Variants in PCDHGB3 observed in about 807,000 individuals in gnomAD.
The protein encoded by PCDHGB3 is protocadherin gamma-B3.
A neutral mutation model predicts 59.2 loss-of-function variants in PCDHGB3; 40 were observed. The ratio of observed to expected loss-of-function variants is 0.68; its 90% confidence interval spans 0.52 to 0.88. PCDHGB3 has a LOEUF of 0.88. Ranked by LOEUF, PCDHGB3 falls within the 40% of genes least tolerant of loss-of-function variation. The pLI, the probability that PCDHGB3 is intolerant of heterozygous loss-of-function variation, is 0.00. For missense variants in PCDHGB3, 1,309 were observed against 1,187.9 expected, an observed-to-expected ratio of 1.10 and a Z score of -1.50; for synonymous variants, 581 against 503.6, an observed-to-expected ratio of 1.15 and a Z score of -2.06.
intron 1 of PCDHGB3, chr5:141,430,537 A>T (rs1270804825): frequency 7.8e-6 from 3 of 385,890 alleles, no homozygotes; most frequent in African/African-American, 2.1e-5. Flanking sequence ...TAGGACTCTG[A>T]GCGCCGCTGT....
Position 141,487,399 on chromosome 5 carries a change from G to T in PCDHGB3, c.2416-7408G>T, listed in dbSNP as rs749826036. 6.2e-7 allele frequency: 1 copy of T among 1,614,140 alleles called. No individual in the cohort carries two copies. The highest frequency in any genetic ancestry group is 8.5e-7 in the Non-Finnish European group (1 of 1,180,014). ...TCACCAGATCTCGAAGGAGGGAGGG[G>T]CTTCCCCCTTCCAATGGGATCCTCC... On this transcript the variant is annotated intron_variant, in intron 1 of 3. Transcript: ENST00000576222. The surrounding 1 kb of genome is among the most constrained non-coding windows in gnomAD (Gnocchi z 5.0).
intron 1 of PCDHGB3, chr5:141,430,540 G>T: frequency 2.6e-6 from 1 of 386,954 alleles, no homozygotes; most frequent in Admixed American, 4.2e-5. Flanking sequence ...GACTCTGAGC[G>T]CCGCTGTTCA....
chr5:141,391,030 G>A (rs2092291091), intron 1 of PCDHGB3: 1 of 152,184 alleles, frequency 6.6e-6, no homozygotes, highest in Non-Finnish European at 1.5e-5. Flanking sequence ...AAAAGACAAT[G>A]TTTTGTGTCT....
At chr5:141,459,845 T>C (rs914128032) in intron 1 of PCDHGB3, among the ~76,000 whole-genome samples, 1 of 152,232 alleles carries the variant, frequency 6.6e-6, no homozygotes, top group Admixed American at 6.5e-5. Flanking sequence ...TCTATTTGTA[T>C]ATCTTCTTGA....
At position 141,505,479 on chromosome 5, in the gene PCDHGB3, G is replaced by A; in HGVS notation, c.2561G>A (p.Ser854Asn). 1 of 1,614,228 alleles carries A rather than the reference G, an allele frequency of 6.2e-7. No homozygotes were observed. The highest frequency in any genetic ancestry group is 8.5e-7 in the Non-Finnish European group (1 of 1,180,018). Residue 854 changes from serine to asparagine, a missense_variant and splice_region_variant, in exon 3 of 4, where the codon AGT (serine) becomes AAT (asparagine). Ser to Asn is a conservative substitution (Grantham distance 46, BLOSUM62 1). Coordinates refer to ENST00000576222, the MANE Select transcript of PCDHGB3 (RefSeq NM_018924.5). Reference sequence around the variant, plus strand: ...CAAGCCATGATCTTGGCGTCCGCCAGTGGTAAGTGGTGTCAGTGTGTGTAT... The same window carrying A: ...CAAGCCATGATCTTGGCGTCCGCCAATGGTAAGTGGTGTCAGTGTGTGTAT... Reference protein sequence around the residue: ...MLQAMILASASEAADGSSTLG... With the variant: ...MLQAMILASANEAADGSSTLG...
intron 1 of PCDHGB3, chr5:141,399,842 A>T (rs749737928): frequency 6.2e-7 from 1 of 1,612,970 alleles, no homozygotes; most frequent in South Asian, 1.1e-5. Context: ...GCGCTCTTCG[A>T]TATGGTGCCG....
At chr5:141,414,334 A>C in intron 1 of PCDHGB3, 1 of 1,613,782 alleles carries the variant, frequency 6.2e-7, no homozygotes, top group Non-Finnish European at 8.5e-7. Flanking sequence ...TGGACAGGTA[A>C]CCTGTTCCAT....
chr5:141,490,111 A>G lies in PCDHGB3; in HGVS notation c.2416-4696A>G. 6.2e-7 allele frequency: 1 copy of G among 1,614,244 alleles called. No individual in the cohort carries two copies. The highest frequency in any genetic ancestry group is 8.5e-7 in the Non-Finnish European group (1 of 1,180,042). On this transcript the variant is annotated intron_variant, in intron 1 of 3. Coordinates refer to ENST00000576222, the MANE Select transcript of PCDHGB3 (RefSeq NM_018924.5). The surrounding 1 kb of genome is among the most constrained non-coding windows in gnomAD (Gnocchi z 5.4). ...AGACCACACATCTGAGGCAGTGCGGAACCTCTTTGGCCTAGACCCTAGCAG... is the reference window on the plus strand; with the variant it reads ...AGACCACACATCTGAGGCAGTGCGGGACCTCTTTGGCCTAGACCCTAGCAG...
chr5:141,388,876 T>C lies in PCDHGB3; in HGVS notation c.2415+16067T>C, dbSNP rs941783342. 6.2e-6 allele frequency: 10 copies of C among 1,613,840 alleles called. No homozygotes were observed. In the African/African-American group the frequency reaches 1.1e-4, roughly 17 times the overall value. On this transcript the variant is annotated intron_variant, in intron 1 of 3. Coordinates refer to ENST00000576222, the MANE Select transcript of PCDHGB3 (RefSeq NM_018924.5). ...GGAGGAATGATTGCGCAATGCACAGTGGAGGTAGAAGTCATAGATGAAAAT... is the reference window on the plus strand; with the variant it reads ...GGAGGAATGATTGCGCAATGCACAGCGGAGGTAGAAGTCATAGATGAAAAT...
At position 141,491,318 on chromosome 5, in the gene PCDHGB3, A is replaced by C; in HGVS notation, c.2416-3489A>C. The C allele has an allele frequency of 6.2e-7, 1 of 1,613,862 alleles. No individual in the cohort carries two copies. The highest frequency in any genetic ancestry group is 8.5e-7 in the Non-Finnish European group (1 of 1,179,916). On this transcript the variant is annotated intron_variant, in intron 1 of 3. Transcript: ENST00000576222. The surrounding 1 kb of genome is among the most constrained non-coding windows in gnomAD (Gnocchi z 6.9). ...CCTGAGCGTTCAGACCTTACCCTTT[A>C]CCTCATTGTGGCTCTAGCGACCGTC...
intron 1 of PCDHGB3, chr5:141,415,794 A>C: frequency 7.3e-7 from 1 of 1,366,410 alleles, no homozygotes; most frequent in Non-Finnish European, 9.3e-7. Context: ...AAATTCACCT[A>C]GTCTCAATCA....
chr5:141,457,023 A>G (rs1339517071), intron 1 of PCDHGB3, among the ~76,000 whole-genome samples: 1 of 152,228 alleles, frequency 6.6e-6, no homozygotes, highest in Non-Finnish European at 1.5e-5. Flanking sequence ...AAAAAGTCCT[A>G]GTAGACTCAG....
intron 1 of PCDHGB3, chr5:141,393,184 T>C: frequency 6.2e-7 from 1 of 1,613,344 alleles, no homozygotes; most frequent in Non-Finnish European, 8.5e-7. Context: ...ATAGAAATAA[T>C]TGATATTAAC....
At chr5:141,450,006 C>CTTTTTT (rs1554136305) in intron 1 of PCDHGB3, among the ~76,000 whole-genome samples, 15 of 132,950 alleles carry the variant, frequency 1.1e-4, no homozygotes, top group African/African-American at 2.0e-4. Context: ...TGCCATGTCT[C>CTTTTTT]TTTTTTTTTT....
Position 141,431,435 on chromosome 5 carries a change from G to T in PCDHGB3, c.2415+58626G>T. On this transcript the variant is annotated intron_variant, in intron 1 of 3. Coordinates refer to ENST00000576222, the MANE Select transcript of PCDHGB3 (RefSeq NM_018924.5). This position sits in a 1 kb window ranked among gnomAD's most constrained non-coding sequence, Gnocchi z 4.8. The stretch of plus-strand genomic sequence containing the variant: ...GGGCGACCCGGTGCGCACAGGCACC[G>T]CGCGCATCCGCGTGATGGTTCTGGA... The T allele has an allele frequency of 6.2e-7, 1 of 1,613,668 alleles. No individual in the cohort carries two copies. Among genetic ancestry groups the T allele is most frequent in the Non-Finnish European group, 8.5e-7 (1 of 1,180,026 alleles).
At position 141,375,555 on chromosome 5, in the gene PCDHGB3, T is replaced by G. The variant is rs535412919; in HGVS notation, c.2415+2746T>G. 50 of 1,614,076 alleles carry G rather than the reference T, an allele frequency of 3.1e-5. No homozygotes were observed. In the Admixed American group the frequency reaches 5.5e-4, roughly 18 times the overall value. On this transcript the variant is annotated intron_variant, in intron 1 of 3. Transcript: ENST00000576222. ...CAGAACGCCCAAGTCTCCTACTCAC[T>G]GGCAGAAGACACCCTCCAGGGGGCG... is the stretch of plus-strand genomic sequence containing the variant.
rs777668071 is a variant in PCDHGB3 at position 141,491,848 on chromosome 5, C to G, written c.2416-2959C>G. The G allele has an allele frequency of 3.4e-6, 5 of 1,461,482 alleles. No homozygotes were observed. The highest frequency in any genetic ancestry group is 4.5e-6 in the Non-Finnish European group (5 of 1,104,578). 90.5% of individuals were successfully genotyped at this position (1,461,482 alleles called of 1,614,324 possible). A position where few individuals can be genotyped will look rare whatever the true frequency, so the allele number is the denominator to read the frequency against. ...CACCCGATTCTCGGGATCATTGGAC[C>G]GTTTGCGCGAAACCAGAGTGGCCGA... On this transcript the variant is annotated intron_variant, in intron 1 of 3. Transcript: ENST00000576222. The surrounding 1 kb of genome is among the most constrained non-coding windows in gnomAD (Gnocchi z 6.9).
chr5:141,463,142 C>T (rs1229364880), intron 1 of PCDHGB3, among the ~76,000 whole-genome samples: 1 of 152,160 alleles, frequency 6.6e-6, no homozygotes, highest in Non-Finnish European at 1.5e-5. Context: ...CTTCGCCCAG[C>T]TGCAGAAAAG....
Position 141,456,465 on chromosome 5 carries a change from C to T in PCDHGB3, c.2416-38342C>T, listed in dbSNP as rs553441797. ...ACAGAGTCCAAATATCAATACAAGA[C>T]ATATAAGCAAGAGAGTGCTTAATAA... On this transcript the variant is annotated intron_variant, in intron 1 of 3. Coordinates refer to ENST00000576222, the MANE Select transcript of PCDHGB3 (RefSeq NM_018924.5). 2.6e-5 allele frequency among the ~76,000 whole-genome samples: 4 copies of T among 152,212 alleles called. No homozygotes were observed. In the East Asian group the frequency reaches 7.7e-4, roughly 29 times the overall value.
Sources: allele counts gnomAD v4.1 joint callset (sites outside exome capture counted in the v4.1 genomes callset), GRCh38; gene constraint gnomAD v4.1.1; non-coding constraint Gnocchi (gnomAD v3.1); transcripts MANE v1.5; gene names NCBI Gene and HGNC (gene_info 2026-07-23, HGNC 2026-07-21).